The following PIK3C2B variants were observed in gnomAD, a reference collection of about 807,000 sequenced individuals.
PIK3C2B encodes phosphatidylinositol-4-phosphate 3-kinase catalytic subunit type 2 beta, also known as phosphatidylinositol 4-phosphate 3-kinase C2 domain-containing subunit beta.
A neutral mutation model predicts 184.3 loss-of-function variants in PIK3C2B; 83 were observed. The observed-to-expected ratio is 0.45, with a 90% confidence interval of 0.38 to 0.54. PIK3C2B has a LOEUF of 0.54. Among genes scored for constraint, PIK3C2B ranks in the 20% least tolerant of loss-of-function variants. The probability of loss-of-function intolerance (pLI) is 0.00; values close to 1 mark genes in which losing one functional copy is unlikely to be tolerated. For synonymous variants in PIK3C2B, 779 were observed against 837.6 expected (o/e 0.93, Z 1.21); for missense variants, 1,736 against 2,113.5 (o/e 0.82, Z 3.50).
intron 10 of PIK3C2B, among the ~76,000 whole-genome samples, chr1:204,456,647 GA>G (rs1654866956): frequency 6.6e-6 from 1 of 151,996 alleles, no homozygotes; most frequent in African/African-American, 2.4e-5. Flanking sequence ...CTCTAAATCG[GA>G]AAGGTAGCAA....
At chr1:204,475,854 C>G (rs1243002569) in intron 1 of PIK3C2B, among the ~76,000 whole-genome samples, 2 of 152,140 alleles carry the variant, frequency 1.3e-5, no homozygotes, top group African/African-American at 2.4e-5. Flanking sequence ...CAGGCCACCA[C>G]TAGACTGTCT....
At chr1:204,440,503 C>G (rs962967917) in intron 21 of PIK3C2B, among the ~76,000 whole-genome samples, 182 bp from the exon 22 acceptor site, 2 of 152,068 alleles carry the variant, frequency 1.3e-5, no homozygotes, top group African/African-American at 4.8e-5. Context: ...CCCAGTTTGC[C>G]CATGTGTTGT....
rs1248525200 is a variant in PIK3C2B at position 204,442,571 on chromosome 1, G to A, written c.3111C>T (p.Arg1037=). ...KQFFALNGSC[R]LPLSPSLLVK... ...CCAGCAGACTGGGGCTGAGTGGCAAGCGGCACGAGCCATTGAGGGCAAAGA... is the reference window on the plus strand; with the variant it reads ...CCAGCAGACTGGGGCTGAGTGGCAAACGGCACGAGCCATTGAGGGCAAAGA... Residue 1037 remains arginine, a synonymous_variant, in exon 20 of 33, where the codon CGC becomes CGT. Transcript: ENST00000684373. 1 of 1,555,382 alleles carries A rather than the reference G, an allele frequency of 6.4e-7. No individual in the cohort carries two copies. The highest frequency in any genetic ancestry group is 8.7e-7 in the Non-Finnish European group (1 of 1,149,146).
Position 204,438,846 on chromosome 1 carries a change from T to C in PIK3C2B, c.3516+89A>G. On this transcript the variant is annotated intron_variant, in intron 23 of 32. Transcript: ENST00000684373. ...GCCAACAAAGCTGAGCTGTCCTCTC[T>C]GAGCAAGTGCAGGTCTTGTGGTTAA... 2.1e-6 allele frequency: 3 copies of C among 1,448,918 alleles called. No homozygotes were observed. In the East Asian group the frequency reaches 7.0e-5, roughly 34 times the overall value. The allele number at this position is 1,448,918 out of a possible 1,614,324, so 89.8% of individuals were successfully genotyped here.
chr1:204,472,406 A>C (rs1187000387), intron 1 of PIK3C2B, among the ~76,000 whole-genome samples: 1 of 151,558 alleles, frequency 6.6e-6, no homozygotes, highest in Non-Finnish European at 1.5e-5. Flanking sequence ...CTCGTGATCC[A>C]CCCAGCTCGG....
intron 5 of PIK3C2B, 106 bp downstream of exon 5, chr1:204,463,906 G>A: frequency 8.7e-7 from 1 of 1,142,946 alleles, no homozygotes; most frequent in South Asian, 1.4e-5. Context: ...TCTTGACTGT[G>A]GGATTGGGGC....
Position 204,443,475 on chromosome 1 carries a change from A to G in PIK3C2B, c.2990T>C (p.Val997Ala). The part of the protein sequence containing the change: ...REEFNRQCWL[V>A]NALAKLAQQV... ...CTGGGCCAGTTTGGCCAGGGCATTG[A>G]CAAGCCAGCACTGGCGGTTAAACTC... Residue 997 changes from valine to alanine, a missense_variant, in exon 19 of 33, where the codon GTC becomes GCC. Val to Ala is a moderately conservative substitution (Grantham distance 64). Transcript: ENST00000684373. The G allele has an allele frequency of 1.9e-6, 3 of 1,614,254 alleles. No homozygotes were observed. The highest frequency in any genetic ancestry group is 2.5e-6 in the Non-Finnish European group (3 of 1,180,052).
intron 5 of PIK3C2B, among the ~76,000 whole-genome samples, chr1:204,462,912 G>A (rs529544850): frequency 2.6e-4 from 40 of 151,888 alleles, no homozygotes; most frequent in South Asian, 8.3e-4. Context: ...AAAATTAGCC[G>A]GGCGTGGTGG....
chr1:204,430,537 G>T (rs112459101), intron 28 of PIK3C2B, among the ~76,000 whole-genome samples: 12 of 151,560 alleles, frequency 7.9e-5, no homozygotes, highest in Non-Finnish European at 1.8e-4. Flanking sequence ...GTAGAGGGGG[G>T]TTTCACCATG....
At chr1:204,471,984 C>A (rs1461793228) in intron 1 of PIK3C2B, among the ~76,000 whole-genome samples, 2 of 152,024 alleles carry the variant, frequency 1.3e-5, no homozygotes, top group African/African-American at 4.8e-5. Flanking sequence ...TCCCCCAGCC[C>A]TCAGGAAGCC....
At position 204,469,299 on chromosome 1, in the gene PIK3C2B, G is replaced by A. The variant is rs2103516156; in HGVS notation, c.504C>T (p.Thr168=). Reference sequence around the variant, plus strand: ...ACCCCTTTCTGGGAGGCAGGGGAGGGGTATCCCAGATAGAAGCTCGGGGAG... The same window carrying A: ...ACCCCTTTCTGGGAGGCAGGGGAGGAGTATCCCAGATAGAAGCTCGGGGAG... ...PLPPRASIWD[T]PPLPPRKGSP... is the part of the protein sequence containing the mutation. Residue 168 remains threonine (T), a synonymous_variant, in exon 2 of 33, where the codon ACC becomes ACT. Transcript: ENST00000684373. 6.5e-7 allele frequency: 1 copy of A among 1,538,944 alleles called. No homozygotes were observed. Among genetic ancestry groups the A allele is most frequent in the South Asian group, 1.3e-5 (1 of 77,854 alleles).
chr1:204,472,987 C>T (rs1284921871), intron 1 of PIK3C2B, among the ~76,000 whole-genome samples: 4 of 152,090 alleles, frequency 2.6e-5, no homozygotes, highest in Non-Finnish European at 4.4e-5. Flanking sequence ...GCATCAGCAG[C>T]CAAGAGGTTG....
chr1:204,463,482 G>A (rs745938896), intron 5 of PIK3C2B, among the ~76,000 whole-genome samples: 3 of 152,184 alleles, frequency 2.0e-5, no homozygotes, highest in Non-Finnish European at 4.4e-5. Flanking sequence ...ACTGGATGGA[G>A]AGGAGCTGGA....
At chr1:204,466,844 G>C (rs750133211) in intron 2 of PIK3C2B, 2 of 533,026 alleles carry the variant, frequency 3.8e-6, no homozygotes, top group Non-Finnish European at 7.7e-6. Context: ...GAGGCTGGCA[G>C]CAGGGGTATC....
intron 23 of PIK3C2B, 80 bp from the exon 24 acceptor site, chr1:204,434,688 C>T: frequency 1.7e-6 from 2 of 1,169,298 alleles, no homozygotes; most frequent in South Asian, 1.5e-5. Context: ...CCAGACAGAA[C>T]TCAGCCAGCC....
chr1:204,448,531 G>A lies in PIK3C2B; in HGVS notation c.2346+654C>T, dbSNP rs892530790. Among the ~76,000 whole-genome samples the A allele has an allele frequency of 6.6e-5, 10 of 151,862 alleles. No individual in the cohort carries two copies. In the East Asian group the frequency reaches 1.4e-3, roughly 21 times the overall value. Reference sequence around the variant, plus strand: ...TGTGCGCCTGTAGTCTCATCTACTCGGGAGGCTGAAGTGGGAGGATGATTT... The same window carrying A: ...TGTGCGCCTGTAGTCTCATCTACTCAGGAGGCTGAAGTGGGAGGATGATTT... On this transcript the variant is annotated intron_variant, in intron 14 of 32. Coordinates refer to ENST00000684373, the MANE Select transcript of PIK3C2B (RefSeq NM_001377334.1).
In PIK3C2B at chr1:204,434,571, C is replaced by G; in HGVS notation, c.3554G>C (p.Cys1185Ser). ...GATGCCCAAGACGTACGTGGCCACG[C>G]AGCAGCCAGCGCAGGAGTAGATAAA... is the stretch of plus-strand genomic sequence containing the variant. ...ENFIYSCAGC[C>S]VATYVLGICD... Residue 1185 changes from cysteine (C) to serine (S), a missense_variant, in exon 24 of 33, where the codon TGC becomes TCC. Cys to Ser is a moderately radical substitution (Grantham distance 112). Transcript: ENST00000684373. 1 of 1,614,102 alleles carries G rather than the reference C, an allele frequency of 6.2e-7. No individual in the cohort carries two copies. The highest frequency in any genetic ancestry group is 1.1e-5 in the South Asian group (1 of 91,080).
At position 204,489,680 on chromosome 1, in the gene PIK3C2B, C is replaced by T. The variant is rs573141795; in HGVS notation, c.-85+4676G>A. 2.4e-5 allele frequency: 9 copies of T among 374,360 alleles called. No individual in the cohort carries two copies. In the East Asian group the frequency reaches 2.7e-4, roughly 11 times the overall value. 23.2% of individuals were successfully genotyped at this position (374,360 alleles called of 1,614,324 possible). ...ACTCTCTGGGAGACACACAGCATGG[C>T]GAGTCAGGAATGGGACAAACACTCT... On this transcript the variant is annotated intron_variant, in intron 1 of 32. Transcript: ENST00000684373.
rs758516217 is a variant in PIK3C2B at position 204,456,029 on chromosome 1, G to A, written c.1770C>T (p.Thr590=). The A allele has an allele frequency of 7.7e-5, 124 of 1,613,616 alleles. 1 individual carries two copies. Among genetic ancestry groups the A allele is most frequent in the Middle Eastern group, 6.6e-4 (4 of 6,082 alleles). Residue 590 remains threonine (T), a synonymous_variant, in exon 11 of 33, where the codon ACC becomes ACT. Coordinates refer to ENST00000684373, the MANE Select transcript of PIK3C2B (RefSeq NM_001377334.1). ...GCTCCACCAGGTCCAAGATGGCAGC[G>A]GTCAGGGCTTCCACGACCTTCTCTG... ...ENREKVVEAL[T]AAILDLVELY... is the part of the protein sequence containing the mutation.
Sources: gnomAD v4.1 joint callset for allele counts (sites outside exome capture counted in the v4.1 genomes callset) on GRCh38, gnomAD v4.1.1 for gene constraint, MANE v1.5 for transcripts, NCBI Gene and HGNC (gene_info 2026-07-23, HGNC 2026-07-21) for gene names.